Variants in HNF4G observed in about 807,000 individuals in gnomAD.
The protein encoded by HNF4G is hepatocyte nuclear factor 4 gamma, also known as hepatocyte nuclear factor 4-gamma.
Under a neutral mutation model 50.9 loss-of-function variants are expected in HNF4G, and 21 were observed. The observed-to-expected ratio is 0.41, with a 90% CI of 0.29 to 0.59. The LOEUF is 0.59. HNF4G is among the 20% of genes least tolerant of loss of function. The probability of loss-of-function intolerance (pLI) is 0.26; values close to 1 mark genes in which losing one functional copy is unlikely to be tolerated. For synonymous variants in HNF4G, 198 were observed against 185.6 expected (o/e 1.07, Z -0.54); for missense variants, 527 against 559.4 (o/e 0.94, Z 0.58).
At chr8:75,495,227 T>C (rs1165510245) in intron 2 of HNF4G, among the ~76,000 whole-genome samples, 1 of 152,216 alleles carries the variant, frequency 6.6e-6, no homozygotes, top group East Asian at 1.9e-4. Flanking sequence ...TGGTATTTCG[T>C]ATCATGCAGA....
intron 1 of HNF4G, among the ~76,000 whole-genome samples, chr8:75,468,195 A>AATATAGTTT (rs1303175550): frequency 6.6e-6 from 1 of 152,130 alleles, no homozygotes; most frequent in Non-Finnish European, 1.5e-5. Flanking sequence ...CTAGTTGTAT[A>AATATAGTTT]TCTATCCTCT....
At chr8:75,481,645 G>A (rs556461170) in intron 1 of HNF4G, among the ~76,000 whole-genome samples, 1 of 152,242 alleles carries the variant, frequency 6.6e-6, no homozygotes, top group East Asian at 1.9e-4. Context: ...GCACTTTCTA[G>A]GATGTACACA....
chr8:75,524,997 G>A (rs1358360944), intron 2 of HNF4G, among the ~76,000 whole-genome samples: 1 of 152,056 alleles, frequency 6.6e-6, no homozygotes, highest in Non-Finnish European at 1.5e-5. Context: ...GACAGTTTGG[G>A]CACAATGTCA....
chr8:75,531,531 A>G (rs145536395), intron 2 of HNF4G, among the ~76,000 whole-genome samples: 107 of 152,278 alleles, frequency 7.0e-4, no homozygotes, highest in African/African-American at 2.5e-3. Flanking sequence ...ATAATAAAAT[A>G]TCAAAATAAT....
chr8:75,442,007 A>G (rs1811298160), intron 1 of HNF4G, among the ~76,000 whole-genome samples: 1 of 152,268 alleles, frequency 6.6e-6, no homozygotes, highest in Non-Finnish European at 1.5e-5. Context: ...GTCCATTAAC[A>G]TAGATGAATC....
intron 1 of HNF4G, among the ~76,000 whole-genome samples, chr8:75,416,944 T>A (rs575630363): frequency 6.6e-6 from 1 of 152,308 alleles, no homozygotes; most frequent in African/African-American, 2.4e-5. Context: ...GAGACATAAA[T>A]AAGATGACAT....
rs761003133 is a variant in HNF4G, at chr8:75,556,086, T to A, written c.733+17T>A. On this transcript the variant is annotated intron_variant, in intron 6 of 9. Coordinates refer to ENST00000396423, the MANE Select transcript of HNF4G (RefSeq NM_004133.5). ...TGCTTTTGGGTAAGTTTTTTTTTTT[T>A]AATTTAAGAAGAAATTATGCATATT... 36 of 1,140,810 alleles carry A rather than the reference T, an allele frequency of 3.2e-5. No individual in the cohort carries two copies. Among genetic ancestry groups the A allele is most frequent in the African/African-American group, 5.1e-5 (3 of 58,358 alleles). The allele number at this position is 1,140,810 out of a possible 1,614,324, so 70.7% of individuals were successfully genotyped here.
chr8:75,545,528 A>G (rs1191337959), intron 2 of HNF4G, among the ~76,000 whole-genome samples: 1 of 152,084 alleles, frequency 6.6e-6, no homozygotes, highest in Admixed American at 6.6e-5. Flanking sequence ...TCATTTGGAA[A>G]ATGGTTAGTA....
At chr8:75,513,067 C>T (rs1049470779) in intron 2 of HNF4G, among the ~76,000 whole-genome samples, 5 of 152,108 alleles carry the variant, frequency 3.3e-5, no homozygotes, top group Non-Finnish European at 5.9e-5. Context: ...GAAAGAGTCT[C>T]GCTCTTGTCC....
At chr8:75,427,978 T>C (rs1810926245) in intron 1 of HNF4G, among the ~76,000 whole-genome samples, 1 of 152,160 alleles carries the variant, frequency 6.6e-6, no homozygotes, top group Non-Finnish European at 1.5e-5. Flanking sequence ...CAAAGCAACA[T>C]TGTTTTAGTA....
chr8:75,519,241 G>A (rs1805974796), intron 2 of HNF4G, among the ~76,000 whole-genome samples: 1 of 152,142 alleles, frequency 6.6e-6, no homozygotes, highest in Non-Finnish European at 1.5e-5. Context: ...ACCTCAGCCT[G>A]GACTTCATTG....
chr8:75,444,405 C>G (rs1236159409), intron 1 of HNF4G, among the ~76,000 whole-genome samples: 1 of 150,530 alleles, frequency 6.6e-6, no homozygotes, highest in Non-Finnish European at 1.5e-5. Context: ...ATCATAATGA[C>G]AGGATCAAAT....
intron 1 of HNF4G, among the ~76,000 whole-genome samples, chr8:75,425,365 T>A (rs1016745116): frequency 4.6e-5 from 7 of 151,650 alleles, no homozygotes; most frequent in African/African-American, 9.7e-5. Context: ...ATTACAGGTG[T>A]GAGCCACCGC....
intron 6 of HNF4G, among the ~76,000 whole-genome samples, chr8:75,556,841 T>G (rs1807143194): frequency 6.6e-6 from 1 of 152,182 alleles, no homozygotes; most frequent in South Asian, 2.1e-4. Flanking sequence ...TTATTGCAGG[T>G]TTACTATGTA....
At chr8:75,518,034 A>G (rs1805940051) in intron 2 of HNF4G, among the ~76,000 whole-genome samples, 1 of 151,532 alleles carries the variant, frequency 6.6e-6, no homozygotes, top group Non-Finnish European at 1.5e-5. Context: ...CATGTGCACA[A>G]TGTGCAGGTT....
chr8:75,549,509 A>G (rs1007218119), intron 3 of HNF4G, among the ~76,000 whole-genome samples: 6 of 151,990 alleles, frequency 3.9e-5, no homozygotes, highest in Non-Finnish European at 8.8e-5. Context: ...TTAAAATAAA[A>G]TATTACTGAT....
At chr8:75,469,435 A>G (rs1165576741) in intron 1 of HNF4G, among the ~76,000 whole-genome samples, 1 of 152,214 alleles carries the variant, frequency 6.6e-6, no homozygotes, top group African/African-American at 2.4e-5. Context: ...CTTGGTATAC[A>G]TAATTTTTTG....
intron 2 of HNF4G, among the ~76,000 whole-genome samples, chr8:75,496,328 A>G (rs576193669): frequency 6.6e-6 from 1 of 151,980 alleles, no homozygotes; most frequent in Non-Finnish European, 1.5e-5. Context: ...ACCTACTGGC[A>G]GGGTTCTAGC....
At chr8:75,479,965 C>T (rs1479703722) in intron 1 of HNF4G, among the ~76,000 whole-genome samples, 1 of 133,678 alleles carries the variant, frequency 7.5e-6, no homozygotes, top group African/African-American at 3.4e-5. Context: ...ATTTATATAA[C>T]AGGAAAAACA....
Sources: gnomAD v4.1 joint callset for allele counts (sites outside exome capture counted in the v4.1 genomes callset) on GRCh38, gnomAD v4.1.1 for gene constraint, MANE v1.5 for transcripts, NCBI Gene and HGNC (gene_info 2026-07-23, HGNC 2026-07-21) for gene names.